The following GALK2 variants were observed in gnomAD, a reference collection of about 807,000 sequenced individuals.
GALK2 encodes N-acetylgalactosamine kinase.
Under a neutral mutation model 52.4 loss-of-function variants are expected in GALK2, and 36 were observed. The ratio of observed to expected loss-of-function variants is 0.69; its 90% CI spans 0.53 to 0.91. GALK2 has a LOEUF of 0.91. GALK2 is among the 40% of genes least tolerant of loss of function. The pLI, the probability that GALK2 is intolerant of heterozygous loss-of-function variation, is 0.00. For missense variants in GALK2, 579 were observed against 559.1 expected, an observed-to-expected ratio of 1.04 and a Z score of -0.36; for synonymous variants, 176 against 199.1, an observed-to-expected ratio of 0.88 and a Z score of 0.98.
Position 49,328,723 on chromosome 15 carries a change from T to C in GALK2, c.*564T>C. On this transcript the variant is annotated 3_prime_UTR_variant, in exon 10 of 10. Coordinates refer to ENST00000560031, the MANE Select transcript of GALK2 (RefSeq NM_002044.4). Reference sequence around the variant, plus strand: ...AAGTTTCACAGATCTTCTTGGACATTGTATAATTGAATTTGAATGTGAGAT... The same window carrying C: ...AAGTTTCACAGATCTTCTTGGACATCGTATAATTGAATTTGAATGTGAGAT... 6.6e-7 allele frequency: 1 copy of C among 1,523,556 alleles called. No individual in the cohort carries two copies. The highest frequency in any genetic ancestry group is 8.8e-7 in the Non-Finnish European group (1 of 1,130,684). 94.4% of individuals were successfully genotyped at this position (1,523,556 alleles called of 1,614,324 possible). A position where few individuals can be genotyped will look rare whatever the true frequency, so the allele number is the denominator to read the frequency against.
At chr15:49,193,339 T>C (rs1179069479) in intron 1 of GALK2, among the ~76,000 whole-genome samples, 1 of 151,946 alleles carries the variant, frequency 6.6e-6, no homozygotes, top group African/African-American at 2.4e-5. Flanking sequence ...GGCTTTGGTC[T>C]TTTTCACATG....
chr15:49,173,228 T>C (rs2085218396), intron 1 of GALK2, among the ~76,000 whole-genome samples: 1 of 152,244 alleles, frequency 6.6e-6, no homozygotes, highest in Non-Finnish European at 1.5e-5. Context: ...TATCAGTACA[T>C]CATTTAACAT....
chr15:49,289,797 C>T (rs1208116973), intron 7 of GALK2, among the ~76,000 whole-genome samples: 3 of 152,178 alleles, frequency 2.0e-5, no homozygotes, highest in Non-Finnish European at 2.9e-5. Flanking sequence ...TTCTTACCCT[C>T]AAATTTTTGT....
chr15:49,260,393 GC>G (rs1272897047), intron 5 of GALK2, among the ~76,000 whole-genome samples: 3 of 150,666 alleles, frequency 2.0e-5, no homozygotes, highest in African/African-American at 7.3e-5. Context: ...CATGTCCTTC[GC>G]CCACTTTTTC....
At chr15:49,284,651 CT>C (rs2033136948) in intron 7 of GALK2, among the ~76,000 whole-genome samples, 1 of 152,196 alleles carries the variant, frequency 6.6e-6, no homozygotes, top group Non-Finnish European at 1.5e-5. Context: ...AGCCTGAAAT[CT>C]ATTTTCTCAG....
chr15:49,367,542 A>ATTT, exon 4 of GALK2: 1 of 1,606,962 alleles, frequency 6.2e-7, no homozygotes, highest in Non-Finnish European at 8.5e-7. Context: ...TATAAAATCA[A>ATTT]TGGACTCTGA....
At chr15:49,347,764 A>G (rs2041711687) in intron 3 of GALK2, among the ~76,000 whole-genome samples, 1 of 152,198 alleles carries the variant, frequency 6.6e-6, no homozygotes. Context: ...CACGCCAGTA[A>G]TCTCAACACT....
intron 3 of GALK2, among the ~76,000 whole-genome samples, chr15:49,233,449 C>G (rs2090618994): frequency 6.6e-6 from 1 of 152,214 alleles, no homozygotes. Flanking sequence ...TATCACAGTT[C>G]TTTCTGGAAC....
intron 8 of GALK2, among the ~76,000 whole-genome samples, chr15:49,299,576 T>C (rs2034785276): frequency 6.6e-6 from 1 of 152,144 alleles, no homozygotes; most frequent in South Asian, 2.1e-4. Context: ...CAAATTCTGA[T>C]ATATATTTGT....
chr15:49,171,322 TC>T (rs2085079621), intron 1 of GALK2, among the ~76,000 whole-genome samples: 1 of 152,168 alleles, frequency 6.6e-6, no homozygotes, highest in Non-Finnish European at 1.5e-5. Context: ...GCTCAAGTGA[TC>T]CGCTCACCCT....
At chr15:49,334,372 T>C (rs1263948307), downstream of GALK2, 1 of 315,024 alleles carries the variant, frequency 3.2e-6, no homozygotes, top group African/African-American at 2.3e-5. Context: ...AACAATTTAC[T>C]GATATACACG....
intron 3 of GALK2, among the ~76,000 whole-genome samples, chr15:49,218,851 G>A (rs183235119): frequency 1.3e-3 from 196 of 152,022 alleles, no homozygotes; most frequent in African/African-American, 4.3e-3. Flanking sequence ...ATTGAGACAG[G>A]GTCTCACCCT....
intron 3 of GALK2, among the ~76,000 whole-genome samples, chr15:49,229,093 C>T (rs2090357847): frequency 1.3e-5 from 2 of 152,132 alleles, no homozygotes; most frequent in African/African-American, 4.8e-5. Flanking sequence ...TGTTTTGCTT[C>T]TTCCAAGTTT....
At chr15:49,336,494 G>A (rs755633380), downstream of GALK2, among the ~76,000 whole-genome samples, 8 of 152,134 alleles carry the variant, frequency 5.3e-5, no homozygotes, top group Admixed American at 1.3e-4. Flanking sequence ...AAGATATAGG[G>A]GATGAACTGT....
chr15:49,217,959 A>G (rs1237003010), intron 3 of GALK2, among the ~76,000 whole-genome samples: 1 of 152,226 alleles, frequency 6.6e-6, no homozygotes, highest in East Asian at 1.9e-4. Context: ...TTTTAAAAAT[A>G]TGGTGAATTA....
chr15:49,315,923 A>G (rs1411644078), intron 8 of GALK2, among the ~76,000 whole-genome samples: 1 of 152,202 alleles, frequency 6.6e-6, no homozygotes, highest in African/African-American at 2.4e-5. Context: ...TTTCTATTTT[A>G]AAATATTTAA....
chr15:49,171,316 A>C (rs1171434399), intron 1 of GALK2, among the ~76,000 whole-genome samples: 1 of 152,112 alleles, frequency 6.6e-6, no homozygotes, highest in Non-Finnish European at 1.5e-5. Flanking sequence ...TCCTGAGCTC[A>C]AGTGATCCGC....
chr15:49,361,584 T>C (rs1596535995), intron 3 of GALK2, among the ~76,000 whole-genome samples: 1 of 152,206 alleles, frequency 6.6e-6, no homozygotes, highest in East Asian at 1.9e-4. Flanking sequence ...ATCTTGTTAG[T>C]TTTTATGGCT....
downstream of GALK2, chr15:49,335,424 A>C: frequency 6.2e-7 from 1 of 1,604,382 alleles, no homozygotes; most frequent in Non-Finnish European, 8.5e-7. Flanking sequence ...CTTACATCCT[A>C]AAATCCTTTT....
Sources: gnomAD v4.1 joint callset for allele counts (sites outside exome capture counted in the v4.1 genomes callset) on GRCh38, gnomAD v4.1.1 for gene constraint, MANE v1.5 for transcripts, NCBI Gene and HGNC (gene_info 2026-07-23, HGNC 2026-07-21) for gene names.